NSUN2: variants seen among roughly 807,000 people sequenced by gnomAD.
NSUN2 encodes the protein RNA cytosine C(5)-methyltransferase NSUN2.
Under a neutral mutation model 92.7 loss-of-function variants are expected in NSUN2, and 63 were observed. The ratio of observed to expected loss-of-function variants is 0.68; its 90% CI spans 0.56 to 0.84. The LOEUF is 0.84. Ranked by LOEUF, NSUN2 falls within the 40% of genes least tolerant of loss-of-function variation. The pLI, the probability that NSUN2 is intolerant of heterozygous loss-of-function variation, is 0.00. For missense variants in NSUN2, 989 were observed against 964.9 expected, an observed-to-expected ratio of 1.02 and a Z score of -0.33; for synonymous variants, 356 against 348.3, an observed-to-expected ratio of 1.02 and a Z score of -0.25.
rs13435933 is a variant in NSUN2, at chr5:6,606,531, C to T, written c.1601+289G>A. On this transcript the variant is annotated intron_variant, in intron 14 of 18. Coordinates refer to ENST00000264670, the MANE Select transcript of NSUN2 (RefSeq NM_017755.6). Reference sequence around the variant, plus strand: ...CAATCTCCTGACCTCGTGCTCCGCCCGTCTCGGCCTCCCAAAGTGCTGGGA... The same window carrying T: ...CAATCTCCTGACCTCGTGCTCCGCCTGTCTCGGCCTCCCAAAGTGCTGGGA... Among the ~76,000 whole-genome samples, 2,563 of 152,164 alleles carry T rather than the reference C, an allele frequency of 0.017. 95 individuals carry two copies. Among genetic ancestry groups the T allele is most frequent in the African/African-American group, 0.058 (2,427 of 41,526 alleles).
chr5:6,623,610 C>T (rs1335577621), intron 4 of NSUN2, among the ~76,000 whole-genome samples: 1 of 152,138 alleles, frequency 6.6e-6, no homozygotes, highest in Non-Finnish European at 1.5e-5. Context: ...GACAGAAATG[C>T]TATTAAATAT....
At chr5:6,607,023 G>A (rs1459890144) in intron 13 of NSUN2, 111 bp from the exon 14 acceptor site, 10 of 957,356 alleles carry the variant, frequency 1.0e-5, no homozygotes, top group Admixed American at 4.1e-5. Flanking sequence ...AACGGTTTGC[G>A]GCAGATGTTG....
chr5:6,629,578 G>T (rs1737787954), intron 3 of NSUN2, among the ~76,000 whole-genome samples: 1 of 152,198 alleles, frequency 6.6e-6, no homozygotes, highest in African/African-American at 2.4e-5. Flanking sequence ...CCAGGTGATT[G>T]TGTGAAGCAG....
At chr5:6,632,260 G>A (rs188817757) in intron 2 of NSUN2, among the ~76,000 whole-genome samples, 1 of 152,126 alleles carries the variant, frequency 6.6e-6, no homozygotes, top group Non-Finnish European at 1.5e-5. Context: ...AAGATGGAGG[G>A]GGGGCGCGGA....
rs1201739894 is a variant in NSUN2, at chr5:6,600,272, C to G, written c.1998-40G>C. On this transcript the variant is annotated intron_variant, in intron 18 of 18. Coordinates refer to ENST00000264670, the MANE Select transcript of NSUN2 (RefSeq NM_017755.6). ...GGCTTCATGTAGAACATTAAACATT[C>G]CCATAACTAAATCGAATGAGATGTA... The G allele has an allele frequency of 4.5e-6, 7 of 1,555,976 alleles. No individual in the cohort carries two copies. The African/African-American group carries it at 9.6e-5, about 21-fold the overall frequency.
chr5:6,612,041 G>A (rs1401402098), intron 9 of NSUN2, among the ~76,000 whole-genome samples: 1 of 152,178 alleles, frequency 6.6e-6, no homozygotes. Context: ...AGGGTGACGG[G>A]AACGGCCTAA....
In NSUN2 at chr5:6,610,592, G is replaced by A. The variant is rs550373876; in HGVS notation, c.1226+363C>T. 2.4e-3 allele frequency among the ~76,000 whole-genome samples: 369 copies of A among 151,670 alleles called. 3 individuals are homozygous for A. Among genetic ancestry groups the A allele is most frequent in the Middle Eastern group, 6.8e-3 (2 of 294 alleles). ...CCAGCTACTTGGGAGGCTGAGGCAC[G>A]AGAATTGCTTGAACCCAGGAGGCAG... On this transcript the variant is annotated intron_variant, in intron 11 of 18. Transcript: ENST00000264670.
intron 9 of NSUN2, among the ~76,000 whole-genome samples, chr5:6,612,742 G>C (rs959539872): frequency 2.6e-5 from 4 of 152,240 alleles, no homozygotes; most frequent in African/African-American, 9.6e-5. Context: ...AAAGCTAACA[G>C]TAAATGACAG....
At chr5:6,624,952 G>A (rs1409171352) in intron 4 of NSUN2, among the ~76,000 whole-genome samples, 3 of 152,084 alleles carry the variant, frequency 2.0e-5, no homozygotes, top group African/African-American at 7.2e-5. Flanking sequence ...GATGCTAAAG[G>A]TAAAAAGCTC....
chr5:6,609,451 G>A (rs1248220906), intron 12 of NSUN2, among the ~76,000 whole-genome samples: 1 of 152,322 alleles, frequency 6.6e-6, no homozygotes, highest in East Asian at 1.9e-4. Context: ...GGGGTCAGCA[G>A]AGCTCTGCTA....
rs961176629 is a variant in NSUN2, at chr5:6,633,004, A to C, written c.-25T>G. ...TAGCCCACGCGGCCGCGCACGCAGC[A>C]CGCAGAAACCGGCCCGCCACGGCCA... On this transcript the variant is annotated 5_prime_UTR_variant, in exon 1 of 19. Coordinates refer to ENST00000264670, the MANE Select transcript of NSUN2 (RefSeq NM_017755.6). The C allele has an allele frequency of 7.0e-7, 1 of 1,425,732 alleles. No individual in the cohort carries two copies. Among genetic ancestry groups the C allele is most frequent in the African/African-American group, 1.5e-5 (1 of 66,380 alleles). The allele number at this position is 1,425,732 out of a possible 1,614,324, so 88.3% of individuals were successfully genotyped here.
In NSUN2 at chr5:6,602,500, G is replaced by A; in HGVS notation, c.1958C>T (p.Ala653Val). 1 of 1,614,190 alleles carries A rather than the reference G, an allele frequency of 6.2e-7. No individual in the cohort carries two copies. The highest frequency in any genetic ancestry group is 8.5e-7 in the Non-Finnish European group (1 of 1,180,032). ...ATACTTCAGCACGATGCTTCCCTTT[G>A]CTGGAAAAGAAACAGACACACATTT... ...SETYSQAKDLAKGSIVLKYEP... is the reference protein window; with the variant it reads ...SETYSQAKDLVKGSIVLKYEP... Residue 653 changes from alanine to valine, a missense_variant and splice_region_variant, in exon 18 of 19, where the codon GCA becomes GTA. Around this residue, in one of 3 missense-constraint regions of NSUN2, gnomAD observed 626 missense variants for 602.3 expected, o/e 1.04. Coordinates refer to ENST00000264670, the MANE Select transcript of NSUN2 (RefSeq NM_017755.6).
intron 4 of NSUN2, among the ~76,000 whole-genome samples, chr5:6,624,136 G>C (rs1222850780): frequency 6.6e-6 from 1 of 152,192 alleles, no homozygotes; most frequent in Non-Finnish European, 1.5e-5. Context: ...CACCTCATGG[G>C]TTTCTGGCCA....
rs1416262327 is a variant in NSUN2, at chr5:6,611,001, G to A, written c.1180C>T (p.Pro394Ser). 3.1e-6 allele frequency: 5 copies of A among 1,614,074 alleles called. No individual in the cohort carries two copies. Among genetic ancestry groups the A allele is most frequent in the African/African-American group, 1.3e-5 (1 of 74,940 alleles). ...RHTQIRPTMF[P>S]PKDPEKLQAM... ...TGCAGCTTTTCTGGGTCCTTCGGAGGGAACATGGTAGGTCGGATCTGGGTG... is the reference window on the plus strand; with the variant it reads ...TGCAGCTTTTCTGGGTCCTTCGGAGAGAACATGGTAGGTCGGATCTGGGTG... Residue 394 changes from proline (P) to serine (S), a missense_variant, in exon 11 of 19, where the codon CCT (proline) becomes TCT (serine). Around this residue, in one of 3 missense-constraint regions of NSUN2, gnomAD observed 626 missense variants for 602.3 expected, o/e 1.04. Coordinates refer to ENST00000264670, the MANE Select transcript of NSUN2 (RefSeq NM_017755.6).
In NSUN2 at chr5:6,617,991, A is replaced by G; in HGVS notation, c.849T>C (p.Val283=). 6.2e-7 allele frequency: 1 copy of G among 1,613,822 alleles called. No individual in the cohort carries two copies. The highest frequency in any genetic ancestry group is 8.5e-7 in the Non-Finnish European group (1 of 1,179,828). The change falls in exon 8 of 19, where the codon GTT becomes GTC. Residue 283 remains valine (V), a synonymous_variant. Coordinates refer to ENST00000264670, the MANE Select transcript of NSUN2 (RefSeq NM_017755.6). ...TATTTAAGGTGGTCCACTTTTTCCA[A>G]ACATCAATGTTTTTTCTCATAGTGC... is the stretch of plus-strand genomic sequence containing the variant. The part of the protein sequence containing the change: ...GDGTMRKNID[V]WKKWTTLNSL...
Position 6,605,331 on chromosome 5 carries a change from A to G in NSUN2, c.1679T>C (p.Leu560Pro), listed in dbSNP as rs1479696740. The G allele has an allele frequency of 6.2e-7, 1 of 1,614,142 alleles. No individual in the cohort carries two copies. Among genetic ancestry groups the G allele is most frequent in the Non-Finnish European group, 8.5e-7 (1 of 1,180,060 alleles). Residue 560 changes from leucine (L) to proline (P), a missense_variant, in exon 15 of 19, where the codon CTC becomes CCC. Physicochemically the swap from Leu to Pro is moderately conservative, Grantham distance 98 (BLOSUM62 -3). This residue lies in a region of NSUN2 where 626 missense variants were observed against 602.3 expected (regional missense o/e 1.04). Coordinates refer to ENST00000264670, the MANE Select transcript of NSUN2 (RefSeq NM_017755.6). The stretch of plus-strand genomic sequence containing the variant: ...CCGCAACTCCTTAGAAACCATGTAG[A>G]GCTGCCTTTTCTTCCCTTCTGTAGT... Reference protein sequence around the residue: ...TRTTEGKKRQLYMVSKELRNV... With the variant: ...TRTTEGKKRQPYMVSKELRNV...
chr5:6,612,047 C>G (rs1737015423), intron 9 of NSUN2, among the ~76,000 whole-genome samples: 1 of 152,086 alleles, frequency 6.6e-6, no homozygotes, highest in Non-Finnish European at 1.5e-5. Context: ...ACGGGAACGG[C>G]CTAAAGCTGG....
chr5:6,620,324 G>C, intron 6 of NSUN2, 26 bp from the exon 7 acceptor site: 1 of 1,507,152 alleles, frequency 6.6e-7, no homozygotes, highest in Non-Finnish European at 8.9e-7. Context: ...TGCAGTGTCA[G>C]GTGAAATGGA....
chr5:6,613,432 A>G (rs990652792), intron 9 of NSUN2, among the ~76,000 whole-genome samples: 10 of 152,278 alleles, frequency 6.6e-5, no homozygotes, highest in East Asian at 1.9e-4. Context: ...GAAATCTCCT[A>G]TGTGGAGGCA....
Sources: gnomAD v4.1 joint callset for allele counts (sites outside exome capture counted in the v4.1 genomes callset) on GRCh38, gnomAD v4.1.1 for gene constraint, gnomAD v4.1.1 regional missense constraint, MANE v1.5 for transcripts, NCBI Gene and HGNC (gene_info 2026-07-23, HGNC 2026-07-21) for gene names.